Variants in PRRC2B observed in about 807,000 individuals in gnomAD.
The protein encoded by PRRC2B is proline rich coiled-coil 2B.
PRRC2B carries 68 observed loss-of-function variants against 242.3 expected under a neutral mutation model. That is an observed-to-expected ratio of 0.28 (90% CI 0.23 to 0.34). The LOEUF (loss-of-function observed/expected upper bound fraction) is 0.34, where lower values mean the gene tolerates loss of function less well. Among genes scored for constraint, PRRC2B ranks in the 10% least tolerant of loss-of-function variants. The probability of loss-of-function intolerance (pLI) is 1.00; values close to 1 mark genes in which losing one functional copy is unlikely to be tolerated. For synonymous variants in PRRC2B, 1,228 were observed against 1,173.6 expected (o/e 1.05, Z -0.95); for missense variants, 2,835 against 2,954.8 (o/e 0.96, Z 0.94).
rs114961183 is a variant in PRRC2B, at chr9:131,468,039, T to C, written c.1911+286T>C. On this transcript the variant is annotated intron_variant, in intron 13 of 31. Coordinates refer to ENST00000683519, the MANE Select transcript of PRRC2B (RefSeq NM_013318.4). ...TTTTCTAATATTGTTAAGGAACCTATTCAGTGCTGTTTGCAGTGAGCTCCA... is the reference window on the plus strand; with the variant it reads ...TTTTCTAATATTGTTAAGGAACCTACTCAGTGCTGTTTGCAGTGAGCTCCA... Among the ~76,000 whole-genome samples, 516 of 152,354 alleles carry C rather than the reference T, an allele frequency of 3.4e-3. 2 individuals carry two copies. The highest frequency in any genetic ancestry group is 0.011 in the African/African-American group (476 of 41,586).
upstream of PRRC2B, among the ~76,000 whole-genome samples, chr9:131,391,638 G>A (rs1432995490): frequency 2.6e-5 from 4 of 152,068 alleles, no homozygotes; most frequent in African/African-American, 7.2e-5. Context: ...CTGTTTTATG[G>A]GTATGTCGTG....
chr9:131,431,849 GTGC>G (rs1423305676), intron 2 of PRRC2B, among the ~76,000 whole-genome samples: 1 of 152,044 alleles, frequency 6.6e-6, no homozygotes, highest in Non-Finnish European at 1.5e-5. Flanking sequence ...GCCTCCCAAA[GTGC>G]TGAGATTACA....
At chr9:131,455,197 A>C in intron 10 of PRRC2B, 31 bp downstream of exon 10, 1 of 1,447,392 alleles carries the variant, frequency 6.9e-7, no homozygotes. Flanking sequence ...TATCAGCATG[A>C]GTGCATCCCT....
At chr9:131,467,868 T>A in intron 13 of PRRC2B, 115 bp downstream of exon 13, 1 of 1,063,836 alleles carries the variant, frequency 9.4e-7, no homozygotes, top group Non-Finnish European at 1.4e-6. Flanking sequence ...AGAATATCCC[T>A]TATGTGCCCC....
rs1588261443 is a variant in PRRC2B at position 131,454,961 on chromosome 9, A to G, written c.1121-115A>G. On this transcript the variant is annotated intron_variant, in intron 9 of 31. Coordinates refer to ENST00000683519, the MANE Select transcript of PRRC2B (RefSeq NM_013318.4). Reference sequence around the variant, plus strand: ...CTGGTCTCAAACTCCTGTCCTCATGATCCGCCCACCTCAGCCTCGCAAAGT... The same window carrying G: ...CTGGTCTCAAACTCCTGTCCTCATGGTCCGCCCACCTCAGCCTCGCAAAGT... 6 of 737,106 alleles carry G rather than the reference A, an allele frequency of 8.1e-6. No individual in the cohort carries two copies. In the Middle Eastern group the frequency reaches 2.1e-3, roughly 260 times the overall value. 45.7% of individuals were successfully genotyped at this position (737,106 alleles called of 1,614,324 possible). A position where few individuals can be genotyped will look rare whatever the true frequency, so the allele number is the denominator to read the frequency against.
At chr9:131,427,063 G>A (rs964742215) in intron 1 of PRRC2B, among the ~76,000 whole-genome samples, 1 of 152,152 alleles carries the variant, frequency 6.6e-6, no homozygotes, top group African/African-American at 2.4e-5. Flanking sequence ...CACACAGATC[G>A]GACGTAGGAC....
intron 13 of PRRC2B, among the ~76,000 whole-genome samples, chr9:131,468,305 G>A (rs1943450885): frequency 6.6e-6 from 1 of 152,058 alleles, no homozygotes; most frequent in Admixed American, 6.6e-5. Flanking sequence ...GCCTTGGAGG[G>A]GTCAGTTATG....
chr9:131,462,858 G>T (rs1943283683), intron 11 of PRRC2B, among the ~76,000 whole-genome samples: 2 of 64,402 alleles, frequency 3.1e-5, no homozygotes, highest in African/African-American at 9.3e-5. Flanking sequence ...AAAAAAAAAG[G>T]TCTCAGTGCA....
chr9:131,471,233 T>C (rs1228231318), intron 14 of PRRC2B, among the ~76,000 whole-genome samples: 1 of 152,248 alleles, frequency 6.6e-6, no homozygotes, highest in East Asian at 1.9e-4. Context: ...AGATTTCTGC[T>C]ATGTCGTTTT....
At chr9:131,462,606 G>A (rs1943271627) in intron 11 of PRRC2B, among the ~76,000 whole-genome samples, 2 of 151,728 alleles carry the variant, frequency 1.3e-5, no homozygotes, top group East Asian at 2.0e-4. Context: ...TTGGGAGGCC[G>A]AGGCGGGTGG....
intron 14 of PRRC2B, among the ~76,000 whole-genome samples, chr9:131,472,061 C>A (rs540207815): frequency 1.3e-5 from 2 of 152,160 alleles, no homozygotes; most frequent in Non-Finnish European, 1.5e-5. Flanking sequence ...TTATGTAGTA[C>A]CTTTGTTGTC....
chr9:131,477,911 A>G lies in PRRC2B; in HGVS notation c.4574A>G (p.Gln1525Arg). Residue 1525 changes from glutamine (Q) to arginine (R), a missense_variant, in exon 17 of 32, where the codon CAG becomes CGG. This residue lies in a region of PRRC2B where 1,536 missense variants were observed against 1,483.1 expected (regional missense o/e 1.04). Transcript: ENST00000683519. The stretch of plus-strand genomic sequence containing the variant: ...TTGGCTGCTCCGAGGGCAGGTGAAC[A>G]GGGAGAGGCCATGAAACAGTTTGAC... ...AKLAAPRAGE[Q>R]GEAMKQFDLN... 6.2e-7 allele frequency: 1 copy of G among 1,614,048 alleles called. No individual in the cohort carries two copies. The highest frequency in any genetic ancestry group is 8.5e-7 in the Non-Finnish European group (1 of 1,179,896).
rs567941680 is a variant in PRRC2B, at chr9:131,468,892, G to T, written c.1911+1139G>T. ...TAATGTGATTTTAGAGCATGGGAGTGTAGGCGAGCACTGCACAGTTACTCA... is the reference window on the plus strand; with the variant it reads ...TAATGTGATTTTAGAGCATGGGAGTTTAGGCGAGCACTGCACAGTTACTCA... On this transcript the variant is annotated intron_variant, in intron 13 of 31. Coordinates refer to ENST00000683519, the MANE Select transcript of PRRC2B (RefSeq NM_013318.4). Among the ~76,000 whole-genome samples, 26 of 152,298 alleles carry T rather than the reference G, an allele frequency of 1.7e-4. No individual in the cohort carries two copies. The South Asian group carries it at 5.2e-3, about 30-fold the overall frequency.
At chr9:131,405,106 T>C (rs1350128419) in intron 1 of PRRC2B, among the ~76,000 whole-genome samples, 1 of 152,222 alleles carries the variant, frequency 6.6e-6, no homozygotes. Context: ...AATCAAAAGC[T>C]ACTGTTTGCG....
Position 131,495,859 on chromosome 9 carries a change from G to A in PRRC2B, c.6675G>A (p.Glu2225=), listed in dbSNP as rs559897962. The A allele has an allele frequency of 3.0e-5, 48 of 1,608,852 alleles. No homozygotes were observed. The South Asian group carries it at 4.7e-4, about 16-fold the overall frequency. The change falls in exon 32 of 32, where the codon GAG becomes GAA. Residue 2225 remains glutamate (E), a synonymous_variant. Coordinates refer to ENST00000683519, the MANE Select transcript of PRRC2B (RefSeq NM_013318.4). ...GAIKPRAVKV[E]ESKA ...TCAAGCCTCGGGCTGTCAAAGTGGA[G>A]GAGAGTAAGGCCTGACAGTGCCTGG...
chr9:131,391,904 C>T (rs1186394248), upstream of PRRC2B, among the ~76,000 whole-genome samples: 1 of 151,786 alleles, frequency 6.6e-6, no homozygotes, highest in Non-Finnish European at 1.5e-5. Flanking sequence ...CCATGCCCGG[C>T]TAATTTTTGT....
intron 11 of PRRC2B, among the ~76,000 whole-genome samples, chr9:131,463,289 C>T (rs1003189630): frequency 2.0e-5 from 3 of 152,186 alleles, no homozygotes; most frequent in Non-Finnish European, 4.4e-5. Flanking sequence ...TTAGGAAACT[C>T]CTTGACTACA....
intron 5 of PRRC2B, among the ~76,000 whole-genome samples, chr9:131,440,187 G>A (rs386478453): frequency 8.3e-4 from 126 of 152,298 alleles, no homozygotes; most frequent in Non-Finnish European, 1.7e-3. Context: ...GATTACAGAC[G>A]TAAGCCACCG....
intron 24 of PRRC2B, 63 bp downstream of exon 24, chr9:131,484,853 G>A (rs1389547468): frequency 1.3e-6 from 2 of 1,563,534 alleles, no homozygotes; most frequent in African/African-American, 2.7e-5. Flanking sequence ...AGAGGCAGAA[G>A]GGAGGAGTCC....
Sources: gnomAD v4.1 joint callset for allele counts (sites outside exome capture counted in the v4.1 genomes callset) on GRCh38, gnomAD v4.1.1 for gene constraint, gnomAD v4.1.1 regional missense constraint, MANE v1.5 for transcripts, NCBI Gene and HGNC (gene_info 2026-07-23, HGNC 2026-07-21) for gene names.